HAT1: variants seen among roughly 807,000 people sequenced by gnomAD.
HAT1 encodes the protein histone acetyltransferase type B catalytic subunit.
Under a neutral mutation model 56.6 loss-of-function variants are expected in HAT1, and 20 were observed. That is an observed-to-expected ratio of 0.35 (90% CI 0.25 to 0.51). The LOEUF (loss-of-function observed/expected upper bound fraction) is 0.51, where lower values mean the gene tolerates loss of function less well. HAT1 is among the 20% of genes least tolerant of loss of function. The pLI is 0.95. For missense variants in HAT1, 408 were observed against 504.3 expected (o/e 0.81, Z 1.83); for synonymous variants, 146 against 165.5 (o/e 0.88, Z 0.91).
chr2:171,972,066 G>T (rs1687827617), intron 8 of HAT1, among the ~76,000 whole-genome samples: 1 of 152,162 alleles, frequency 6.6e-6, no homozygotes, highest in Non-Finnish European at 1.5e-5. Context: ...ACCCCCTACT[G>T]TGTAATGTAC....
chr2:171,973,560 A>G (rs1687871329), intron 8 of HAT1, among the ~76,000 whole-genome samples: 2 of 152,136 alleles, frequency 1.3e-5, no homozygotes, highest in African/African-American at 4.8e-5. Context: ...TCCAGAGCCT[A>G]TTAGGACTGG....
chr2:171,966,342 A>G, intron 6 of HAT1, 67 bp from the exon 7 acceptor site: 12 of 844,560 alleles, frequency 1.4e-5, no homozygotes, highest in South Asian at 2.7e-5. Context: ...GAGAATGGAA[A>G]AGAAAATGGA....
chr2:171,980,450 T>G (rs1327170893), intron 10 of HAT1: 1 of 152,160 alleles, frequency 6.6e-6, no homozygotes, highest in Admixed American at 6.6e-5. Flanking sequence ...CTTCTTGCCC[T>G]TTTTTCCCAC....
intron 2 of HAT1, among the ~76,000 whole-genome samples, chr2:171,935,062 G>A (rs1363783304): frequency 1.3e-5 from 2 of 151,340 alleles, no homozygotes; most frequent in Non-Finnish European, 2.9e-5. Context: ...GGCCTAGAGT[G>A]GTTTTCTTTT....
In HAT1 at chr2:171,942,135, C is replaced by A. The variant is rs186830237; in HGVS notation, c.113-4573C>A. Among the ~76,000 whole-genome samples, 7 of 152,302 alleles carry A rather than the reference C, an allele frequency of 4.6e-5. No individual in the cohort carries two copies. In the East Asian group the frequency reaches 1.4e-3, roughly 29 times the overall value. ...GGCCAGGCTGGTCTTGAACTCCTGACCTCAGGTGATCCACCTGCCTTGGCC... is the reference window on the plus strand; with the variant it reads ...GGCCAGGCTGGTCTTGAACTCCTGAACTCAGGTGATCCACCTGCCTTGGCC... On this transcript the variant is annotated intron_variant, in intron 2 of 10. Transcript: ENST00000264108.
At chr2:171,978,059 CTTT>C (rs35822665) in intron 9 of HAT1, among the ~76,000 whole-genome samples, 5 of 137,072 alleles carry the variant, frequency 3.6e-5, no homozygotes, top group African/African-American at 2.7e-5. Flanking sequence ...TTTCCTTTTC[CTTT>C]TTTTTTTTTT....
intron 3 of HAT1, among the ~76,000 whole-genome samples, chr2:171,950,835 C>T (rs920474046): frequency 2.2e-4 from 33 of 150,118 alleles, no homozygotes; most frequent in Middle Eastern, 3.6e-3. Flanking sequence ...GACGTAGTTT[C>T]GCTCTTGTTG....
At chr2:171,957,456 T>C (rs910303816) in intron 4 of HAT1, among the ~76,000 whole-genome samples, 3 of 152,212 alleles carry the variant, frequency 2.0e-5, no homozygotes, top group Admixed American at 6.5e-5. Flanking sequence ...GATACTGTGT[T>C]TTCTAATTTC....
intron 3 of HAT1, among the ~76,000 whole-genome samples, chr2:171,948,232 A>G (rs538840444): frequency 6.6e-6 from 1 of 152,218 alleles, no homozygotes; most frequent in South Asian, 2.1e-4. Flanking sequence ...AAATTCAGGA[A>G]ATTTAACATT....
intron 2 of HAT1, among the ~76,000 whole-genome samples, chr2:171,944,158 AT>A (rs201899863): frequency 1.9e-4 from 28 of 148,534 alleles, no homozygotes; most frequent in East Asian, 5.9e-4. Context: ...AAAAAAAAAA[AT>A]ACTTAAACAA....
chr2:171,949,914 T>C (rs1222002428), intron 3 of HAT1, among the ~76,000 whole-genome samples: 1 of 152,114 alleles, frequency 6.6e-6, no homozygotes, highest in East Asian at 1.9e-4. Context: ...CACTTTTGAG[T>C]CTTTCTGATA....
At chr2:171,981,792 T>A (rs944555326) in intron 10 of HAT1, among the ~76,000 whole-genome samples, 7 of 152,196 alleles carry the variant, frequency 4.6e-5, no homozygotes, top group African/African-American at 1.7e-4. Context: ...TTATCCAAAG[T>A]AGCATTTTAT....
chr2:171,937,646 A>G (rs968793334), intron 2 of HAT1, among the ~76,000 whole-genome samples: 1 of 152,216 alleles, frequency 6.6e-6, no homozygotes, highest in Non-Finnish European at 1.5e-5. Context: ...AAAGAGTTTA[A>G]TAACATCTAC....
chr2:171,946,633 T>A, intron 2 of HAT1, 75 bp from the exon 3 acceptor site: 1 of 855,596 alleles, frequency 1.2e-6, no homozygotes, highest in South Asian at 1.5e-5. Context: ...CTGAAACTCA[T>A]GAAATAGGAA....
rs192672028 is a variant in HAT1 at position 171,926,838 on chromosome 2, A to G, written c.112+1197A>G. ...GAAATGAAAATGTATGTTCACGCAA[A>G]AACTTGTACATGAATGTTCATAGCT... On this transcript the variant is annotated intron_variant, in intron 2 of 10. Coordinates refer to ENST00000264108, the MANE Select transcript of HAT1 (RefSeq NM_003642.4). Among the ~76,000 whole-genome samples, 549 of 152,350 alleles carry G rather than the reference A, an allele frequency of 3.6e-3. 1 individual carries two copies. Among genetic ancestry groups the G allele is most frequent in the Non-Finnish European group, 6.4e-3 (437 of 68,036 alleles).
chr2:171,952,040 A>G (rs1224614625), intron 3 of HAT1, among the ~76,000 whole-genome samples: 1 of 152,220 alleles, frequency 6.6e-6, no homozygotes, highest in Non-Finnish European at 1.5e-5. Context: ...TTCTAAAAAA[A>G]TCAGAATACA....
intron 2 of HAT1, among the ~76,000 whole-genome samples, chr2:171,942,706 G>A (rs1220836294): frequency 1.3e-5 from 2 of 152,022 alleles, no homozygotes; most frequent in African/African-American, 4.8e-5. Flanking sequence ...ATATATATAT[G>A]TGACATATAT....
rs746011580 is a variant in HAT1 at position 171,946,821 on chromosome 2, G to GAA, written c.188+46_188+47dup. On this transcript the variant is annotated intron_variant, in intron 3 of 10. Transcript: ENST00000264108. ...GTAAAATATTTGTCAAATTAGTATG[G>GAA]AAAAAAAAATTTTCATTCTTTTTCT... 6 of 912,724 alleles carry GAA rather than the reference G, an allele frequency of 6.6e-6. No individual in the cohort carries two copies. The East Asian group carries it at 1.1e-4, about 16-fold the overall frequency. 56.5% of individuals were successfully genotyped at this position (912,724 alleles called of 1,614,324 possible).
At chr2:171,938,996 C>T (rs537474482) in intron 2 of HAT1, among the ~76,000 whole-genome samples, 126 of 152,280 alleles carry the variant, frequency 8.3e-4, no homozygotes, top group African/African-American at 3.0e-3. Context: ...CTGCCTTGGC[C>T]TCCCAAAGTG....
Sources: allele counts gnomAD v4.1 joint callset (sites outside exome capture counted in the v4.1 genomes callset), GRCh38; gene constraint gnomAD v4.1.1; transcripts MANE v1.5; gene names NCBI Gene and HGNC (gene_info 2026-07-23, HGNC 2026-07-21).